SIRPB2: variants seen among roughly 807,000 people sequenced by gnomAD.
The protein encoded by SIRPB2 is signal regulatory protein beta 2.
Under a neutral mutation model 27.1 loss-of-function variants are expected in SIRPB2, and 18 were observed. That is an observed-to-expected ratio of 0.66 (90% CI 0.46 to 0.98). The LOEUF (loss-of-function observed/expected upper bound fraction) is 0.98. SIRPB2 is among the 50% of genes least tolerant of loss of function. The pLI, the probability that SIRPB2 is intolerant of heterozygous loss-of-function variation, is 0.00. For missense variants in SIRPB2, 420 were observed against 417.4 expected (o/e 1.01, Z -0.06); for synonymous variants, 150 against 164.6 (o/e 0.91, Z 0.68).
rs1344129764 is a variant in SIRPB2 at position 1,475,443 on chromosome 20, C to T, written c.*724G>A. 6.6e-6 allele frequency: 1 copy of T among 152,190 alleles called. No individual in the cohort carries two copies. The highest frequency in any genetic ancestry group is 1.5e-5 in the Non-Finnish European group (1 of 68,062). The allele number at this position is 152,190 out of a possible 1,614,324, so 9.4% of individuals were successfully genotyped here. A position where few individuals can be genotyped will look rare whatever the true frequency, so the allele number is the denominator to read the frequency against. On this transcript the variant is annotated 3_prime_UTR_variant, in exon 5 of 5. Coordinates refer to ENST00000359801, the MANE Select transcript of SIRPB2 (RefSeq NM_001122962.2). The stretch of plus-strand genomic sequence containing the variant: ...AGCCAAGTAGAGATAAGTGAGGTGG[C>T]CAAGTTCCTGACTGTGCACTTAAAG...
At chr20:1,483,217 C>T (rs926805948) in intron 1 of SIRPB2, among the ~76,000 whole-genome samples, 1 of 151,986 alleles carries the variant, frequency 6.6e-6, no homozygotes, top group Non-Finnish European at 1.5e-5. Flanking sequence ...AGTGATTCTC[C>T]TGCCTCAGGC....
intron 1 of SIRPB2, among the ~76,000 whole-genome samples, chr20:1,482,519 C>T (rs1454912843): frequency 6.6e-6 from 1 of 151,438 alleles, no homozygotes; most frequent in African/African-American, 2.4e-5. Context: ...TCCCTCCTTC[C>T]TTCCTTTCTT....
intron 1 of SIRPB2, among the ~76,000 whole-genome samples, chr20:1,481,074 A>G (rs2090666158): frequency 6.6e-6 from 1 of 152,226 alleles, no homozygotes; most frequent in Admixed American, 6.5e-5. Flanking sequence ...CCTCCCATGG[A>G]TATTCTGGGT....
At chr20:1,483,149 C>T (rs1226162715) in intron 1 of SIRPB2, among the ~76,000 whole-genome samples, 1 of 150,962 alleles carries the variant, frequency 6.6e-6, no homozygotes, top group Non-Finnish European at 1.5e-5. Context: ...CTCTGTCACC[C>T]AGGCTCGAGT....
intron 4 of SIRPB2, chr20:1,476,964 G>A (rs1158698724): frequency 3.6e-5 from 44 of 1,209,454 alleles, no homozygotes; most frequent in East Asian, 5.4e-5. Flanking sequence ...CTCAAGGGGC[G>A]AGAACCTGCC....
chr20:1,484,302 T>G (rs1705962795), intron 1 of SIRPB2, among the ~76,000 whole-genome samples: 2 of 152,134 alleles, frequency 1.3e-5, no homozygotes, highest in Non-Finnish European at 2.9e-5. Flanking sequence ...ATTTTATGAC[T>G]AAGACCTCAA....
chr20:1,482,538 T>TCTTCCTTCCTTC (rs368666155), intron 1 of SIRPB2, among the ~76,000 whole-genome samples: 2 of 149,470 alleles, frequency 1.3e-5, no homozygotes, highest in South Asian at 4.2e-4. Context: ...TTTCTTCCTT[T>TCTTCCTTCCTTC]CTTCCTTCCT....
At chr20:1,487,608 C>T (rs187797616) in intron 1 of SIRPB2, among the ~76,000 whole-genome samples, 1 of 152,286 alleles carries the variant, frequency 6.6e-6, no homozygotes, top group East Asian at 1.9e-4. Context: ...AATAGAGAGT[C>T]TAGAAATAGT....
chr20:1,484,930 AT>A, intron 1 of SIRPB2, among the ~76,000 whole-genome samples: 1 of 152,320 alleles, frequency 6.6e-6, no homozygotes, highest in South Asian at 2.1e-4. Context: ...AAATTCTGTC[AT>A]TCGTAGCAAC....
chr20:1,491,178 T>G, intron 1 of SIRPB2, 97 bp downstream of exon 1: 1 of 1,118,392 alleles, frequency 8.9e-7, no homozygotes, highest in Non-Finnish European at 1.3e-6. Context: ...TCTATCTTCA[T>G]GGGGTCAAGC....
At chr20:1,482,840 T>A (rs575457389) in intron 1 of SIRPB2, among the ~76,000 whole-genome samples, 8 of 152,228 alleles carry the variant, frequency 5.3e-5, no homozygotes, top group South Asian at 4.1e-4. Context: ...GTATTTTTTT[T>A]ATCAATTCAT....
At chr20:1,482,514 CCTTCCTTCCTTTCTTTCTTCCTTT>C (rs1035224994) in intron 1 of SIRPB2, among the ~76,000 whole-genome samples, 5 of 151,748 alleles carry the variant, frequency 3.3e-5, no homozygotes, top group Non-Finnish European at 5.9e-5. Flanking sequence ...TTCCTTCCCT[CCTTCCTTCCTTTCTTTCTTCCTTT>C]CTTCCTTCCT....
At chr20:1,480,611 AG>A (rs1225351386) in intron 1 of SIRPB2, among the ~76,000 whole-genome samples, 3 of 152,210 alleles carry the variant, frequency 2.0e-5, no homozygotes, top group African/African-American at 7.2e-5. Flanking sequence ...ATACGCATGC[AG>A]GGGGAAGACC....
Position 1,476,282 on chromosome 20 carries a change from G to C in SIRPB2, c.914C>G (p.Ala305Gly), listed in dbSNP as rs774345096. The C allele has an allele frequency of 6.2e-7, 1 of 1,613,880 alleles. No individual in the cohort carries two copies. Among genetic ancestry groups the C allele is most frequent in the Non-Finnish European group, 8.5e-7 (1 of 1,179,956 alleles). Residue 305 changes from alanine (A) to glycine (G), a missense_variant, in exon 5 of 5, where the codon GCT becomes GGT. By Grantham distance (60) the Ala-to-Gly change is moderately conservative (BLOSUM62 0). Transcript: ENST00000359801. ...VVLGLKAITL[A>G]ALLLALATSR... The stretch of plus-strand genomic sequence containing the variant: ...GGTAGCCAGGGCCAGTAGGAGTGCA[G>C]CCAAGGTAATTGCCTTCAGCCCCAG...
chr20:1,477,552 A>AGTTAGACTTTCTACTGGAGCACGTTT, intron 3 of SIRPB2, 149 bp from the exon 4 acceptor site: 1 of 1,392,398 alleles, frequency 7.2e-7, no homozygotes, highest in Non-Finnish European at 9.5e-7. Context: ...TGAAGGACAA[A>AGTTAGACTTTCTACTGGAGCACGTTT]GTTAGACTTT....
In SIRPB2 at chr20:1,475,034, C is replaced by T. The variant is rs1322414629; in HGVS notation, c.*1133G>A. 6.6e-6 allele frequency: 1 copy of T among 152,190 alleles called. No individual in the cohort carries two copies. The highest frequency in any genetic ancestry group is 1.5e-5 in the Non-Finnish European group (1 of 68,088). 9.4% of individuals were successfully genotyped at this position (152,190 alleles called of 1,614,324 possible). A position where few individuals can be genotyped will look rare whatever the true frequency, so the allele number is the denominator to read the frequency against. On this transcript the variant is annotated 3_prime_UTR_variant, in exon 5 of 5. Coordinates refer to ENST00000359801, the MANE Select transcript of SIRPB2 (RefSeq NM_001122962.2). ...TGACTCCTGGGCATGCACACTCTTCCCCATGTCAGGGCTTCTCAGTCCACT... is the reference window on the plus strand; with the variant it reads ...TGACTCCTGGGCATGCACACTCTTCTCCATGTCAGGGCTTCTCAGTCCACT...
intron 3 of SIRPB2, among the ~76,000 whole-genome samples, chr20:1,477,732 A>C (rs1009660124): frequency 6.6e-6 from 1 of 152,170 alleles, no homozygotes; most frequent in Non-Finnish European, 1.5e-5. Flanking sequence ...CTGGAGTACA[A>C]GGGTGCGATC....
intron 4 of SIRPB2, 110 bp from the exon 5 acceptor site, chr20:1,476,446 G>A (rs2090607326): frequency 8.8e-7 from 1 of 1,134,686 alleles, no homozygotes; most frequent in Non-Finnish European, 1.2e-6. Flanking sequence ...ATAACCTCTG[G>A]AGCTGTATCC....
intron 1 of SIRPB2, among the ~76,000 whole-genome samples, chr20:1,489,095 C>G (rs181633507): frequency 1.3e-5 from 2 of 152,174 alleles, no homozygotes; most frequent in East Asian, 3.9e-4. Flanking sequence ...TAAAAGAAGC[C>G]AGCCAAAAAG....
Sources: allele counts gnomAD v4.1 joint callset (sites outside exome capture counted in the v4.1 genomes callset), GRCh38; gene constraint gnomAD v4.1.1; transcripts MANE v1.5; gene names NCBI Gene and HGNC (gene_info 2026-07-23, HGNC 2026-07-21).